Variants in NAPEPLD observed in about 807,000 individuals in gnomAD.
NAPEPLD encodes the protein N-acyl-phosphatidylethanolamine-hydrolyzing phospholipase D.
A neutral mutation model predicts 38.1 loss-of-function variants in NAPEPLD; 23 were observed. That is an observed-to-expected ratio of 0.60 (90% CI 0.43 to 0.86). The LOEUF (loss-of-function observed/expected upper bound fraction) is 0.86, where lower values mean the gene tolerates loss of function less well. Among genes scored for constraint, NAPEPLD ranks in the 40% least tolerant of loss-of-function variants. The pLI, the probability that NAPEPLD is intolerant of heterozygous loss-of-function variation, is 0.00. For missense variants in NAPEPLD, 411 were observed against 476.8 expected, an observed-to-expected ratio of 0.86 and a Z score of 1.28; for synonymous variants, 147 against 162.0, an observed-to-expected ratio of 0.91 and a Z score of 0.71.
intron 2 of NAPEPLD, among the ~76,000 whole-genome samples, chr7:103,122,781 A>G (rs1224262507): frequency 6.6e-6 from 1 of 152,236 alleles, no homozygotes; most frequent in Non-Finnish European, 1.5e-5. Context: ...TAACCTAGTT[A>G]AGATGCTAAG....
At chr7:103,116,253 G>A (rs1805552022) in intron 3 of NAPEPLD, among the ~76,000 whole-genome samples, 1 of 151,996 alleles carries the variant, frequency 6.6e-6, no homozygotes, top group South Asian at 2.1e-4. Context: ...AGTAGAACCA[G>A]GGTTTCACCA....
rs1371263722 is a variant in NAPEPLD at position 103,102,689 on chromosome 7, T to C, written c.*740A>G. ...TCTGAAGGCTCTAGGAAAAAAAGAA[T>C]ATACTGTTCTTTTAAAAATTTAAGT... is the stretch of plus-strand genomic sequence containing the variant. On this transcript the variant is annotated 3_prime_UTR_variant, in exon 5 of 5. Transcript: ENST00000465647. The C allele has an allele frequency of 1.3e-5, 2 of 152,232 alleles. No homozygotes were observed. Among genetic ancestry groups the C allele is most frequent in the African/African-American group, 2.4e-5 (1 of 41,442 alleles). 9.4% of individuals were successfully genotyped at this position (152,232 alleles called of 1,614,324 possible).
At chr7:103,143,581 G>A (rs142028307) in intron 1 of NAPEPLD, among the ~76,000 whole-genome samples, 3 of 152,200 alleles carry the variant, frequency 2.0e-5, no homozygotes, top group Non-Finnish European at 2.9e-5. Context: ...CATTCTTCTC[G>A]ATTTGTCCTG....
intron 4 of NAPEPLD, among the ~76,000 whole-genome samples, chr7:103,114,402 G>A (rs147485446): frequency 4.6e-5 from 7 of 152,220 alleles, no homozygotes; most frequent in Non-Finnish European, 8.8e-5. Context: ...AGCAGACACC[G>A]AGTCAATGTT....
chr7:103,107,504 A>C (rs1368355746), intron 4 of NAPEPLD, among the ~76,000 whole-genome samples: 1 of 152,172 alleles, frequency 6.6e-6, no homozygotes, highest in African/African-American at 2.4e-5. Flanking sequence ...AGAACCTTGA[A>C]AAAAGGTTAG....
intron 1 of NAPEPLD, among the ~76,000 whole-genome samples, chr7:103,132,005 T>G (rs1268531997): frequency 6.6e-6 from 1 of 152,138 alleles, no homozygotes. Flanking sequence ...TCACAGCAAC[T>G]TGGGAGCCTG....
At chr7:103,136,204 T>C (rs1012522496) in intron 1 of NAPEPLD, among the ~76,000 whole-genome samples, 2 of 151,660 alleles carry the variant, frequency 1.3e-5, no homozygotes. Context: ...GCGGTGGACG[T>C]TGCAGTGGGC....
chr7:103,130,091 T>G (rs1281680853), intron 1 of NAPEPLD, among the ~76,000 whole-genome samples: 1 of 152,168 alleles, frequency 6.6e-6, no homozygotes. Flanking sequence ...TTAAATACAG[T>G]GCACACACAC....
At chr7:103,119,406 A>C (rs1806173488) in intron 3 of NAPEPLD, among the ~76,000 whole-genome samples, 171 bp downstream of exon 3, 1 of 151,982 alleles carries the variant, frequency 6.6e-6, no homozygotes, top group Admixed American at 6.5e-5. Flanking sequence ...TTAATTTAAA[A>C]TATTTAAAAA....
rs187417518 is a variant in NAPEPLD at position 103,112,753 on chromosome 7, A to T, written c.1056+2307T>A. On this transcript the variant is annotated intron_variant, in intron 4 of 4. Transcript: ENST00000465647. ...TGTATCCCAGAACTTAAAGTATAAT[A>T]AAAAAAAAAAGAAGTAAAGGGTAAC... Among the ~76,000 whole-genome samples the T allele has an allele frequency of 7.1e-5, 10 of 140,252 alleles. No homozygotes were observed. The South Asian group carries it at 8.8e-4, about 12-fold the overall frequency. The allele number at this position is 140,252 out of a possible 152,430, so 92.0% of individuals were successfully genotyped here.
rs374854751 is a variant in NAPEPLD, at chr7:103,128,690, C to T, written c.87G>A (p.Arg29=). The T allele has an allele frequency of 1.5e-5, 24 of 1,614,022 alleles. No individual in the cohort carries two copies. Among genetic ancestry groups the T allele is most frequent in the Non-Finnish European group, 2.0e-5 (24 of 1,180,048 alleles). The change falls in exon 2 of 5, where the codon CGG becomes CGA. Residue 29 remains arginine, a synonymous_variant. Transcript: ENST00000465647. ...TAGAAGAATCACTTGCTCCGGAATT[C>T]CGTGCTGAATTTTGACGTTTTCTTA... The part of the protein sequence containing the change: ...EAVRKRQNSA[R]NSGASDSSRF...
At position 103,142,000 on chromosome 7, in the gene NAPEPLD, G is replaced by A. The variant is rs970901004; in HGVS notation, c.-17+6811C>T. On this transcript the variant is annotated intron_variant, in intron 1 of 4. Coordinates refer to ENST00000465647, the MANE Select transcript of NAPEPLD (RefSeq NM_001122838.3). ...CTGTGGAGCTTTTTAAACTACACCAGAGGCTACTGAATCAAAATGTCAGGT... is the reference window on the plus strand; with the variant it reads ...CTGTGGAGCTTTTTAAACTACACCAAAGGCTACTGAATCAAAATGTCAGGT... 17 of 649,556 alleles carry A rather than the reference G, an allele frequency of 2.6e-5. No homozygotes were observed. In the East Asian group the frequency reaches 3.3e-4, roughly 13 times the overall value. 40.2% of individuals were successfully genotyped at this position (649,556 alleles called of 1,614,324 possible).
chr7:103,149,602 G>T, upstream of NAPEPLD: 2 of 763,132 alleles, frequency 2.6e-6, no homozygotes, highest in Non-Finnish European at 3.5e-6. Context: ...CGCCCCTGTG[G>T]GCCGGGGCGC....
At chr7:103,128,817 A>G in intron 1 of NAPEPLD, 25 bp from the exon 2 acceptor site, 1 of 1,580,096 alleles carries the variant, frequency 6.3e-7, no homozygotes, top group Non-Finnish European at 8.6e-7. Flanking sequence ...GGGGAAAAAT[A>G]CTGAGTTGAA....
At position 103,103,497 on chromosome 7, in the gene NAPEPLD, C is replaced by T. The variant is rs570214361; in HGVS notation, c.1114G>A (p.Ala372Thr). 42 of 1,599,390 alleles carry T rather than the reference C, an allele frequency of 2.6e-5. No homozygotes were observed. The Admixed American group carries it at 5.6e-4, about 21-fold the overall frequency. The change falls in exon 5 of 5, where the codon GCT (alanine) becomes ACT (threonine). Residue 372 changes from alanine to threonine, a missense_variant. Coordinates refer to ENST00000465647, the MANE Select transcript of NAPEPLD (RefSeq NM_001122838.3). ...TGCTTCAAGACAAAAAAATCTTCAG[C>T]GTTAAGTCCGTATCTCTCTAGAGCT... Reference protein sequence around the residue: ...NEALERYGLNAEDFFVLKHGE... With the variant: ...NEALERYGLNTEDFFVLKHGE...
chr7:103,107,293 G>A (rs749875490), intron 4 of NAPEPLD, among the ~76,000 whole-genome samples: 11 of 152,034 alleles, frequency 7.2e-5, no homozygotes, highest in Non-Finnish European at 1.5e-4. Context: ...AAGATGGGGA[G>A]AAACCAGCAC....
At chr7:103,114,695 T>C (rs1001201248) in intron 4 of NAPEPLD, among the ~76,000 whole-genome samples, 1 of 152,200 alleles carries the variant, frequency 6.6e-6, no homozygotes, top group Non-Finnish European at 1.5e-5. Context: ...CTAACATCTG[T>C]ATCACATACA....
In NAPEPLD at chr7:103,128,808, G is replaced by C; in HGVS notation, c.-16-16C>G. The C allele has an allele frequency of 6.3e-7, 1 of 1,590,912 alleles. No homozygotes were observed. Among genetic ancestry groups the C allele is most frequent in the South Asian group, 1.2e-5 (1 of 86,520 alleles). ...TGGTGAAGAACTAAAAAAAACAAGG[G>C]GGAAAAATACTGAGTTGAACATAAA... is the stretch of plus-strand genomic sequence containing the variant. On this transcript the variant is annotated splice_polypyrimidine_tract_variant and intron_variant, in intron 1 of 4. Transcript: ENST00000465647.
chr7:103,143,080 C>A (rs56196003), intron 1 of NAPEPLD, among the ~76,000 whole-genome samples: 36,463 of 151,282 alleles, frequency 0.24, 4,874 homozygotes, highest in East Asian at 0.58. Flanking sequence ...AACAAAAAAA[C>A]AAAAAAACAA....
Sources: allele counts gnomAD v4.1 joint callset (sites outside exome capture counted in the v4.1 genomes callset), GRCh38; gene constraint gnomAD v4.1.1; transcripts MANE v1.5; gene names NCBI Gene and HGNC (gene_info 2026-07-23, HGNC 2026-07-21).